Variants in ITGB3BP observed in about 807,000 individuals in gnomAD.
ITGB3BP encodes the protein integrin subunit beta 3 binding protein.
Under a neutral mutation model 29.1 loss-of-function variants are expected in ITGB3BP, and 27 were observed. The observed-to-expected ratio is 0.93, with a 90% CI of 0.68 to 1.28. ITGB3BP has a LOEUF of 1.28. Ranked by LOEUF, ITGB3BP falls within the 50% of genes most tolerant of loss-of-function variation. The probability of loss-of-function intolerance (pLI) is 0.00; values close to 1 mark genes in which losing one functional copy is unlikely to be tolerated. For synonymous variants in ITGB3BP, 61 were observed against 61.4 expected (o/e 0.99, Z 0.03); for missense variants, 192 against 200.2 (o/e 0.96, Z 0.25).
At chr1:63,468,576 A>C (rs561748876) in intron 4 of ITGB3BP, among the ~76,000 whole-genome samples, 2 of 150,926 alleles carry the variant, frequency 1.3e-5, no homozygotes, top group African/African-American at 4.9e-5. Flanking sequence ...AAATACAAAA[A>C]ATTGGCCAGG....
At chr1:63,518,540 G>T (rs6421474) in intron 1 of ITGB3BP, among the ~76,000 whole-genome samples, 145,533 of 151,672 alleles carry the variant, frequency 0.96, 70,131 homozygotes, top group Middle Eastern at 1. Flanking sequence ...TGATCATTTG[G>T]TTTCTCTCCT....
chr1:63,450,156 T>C (rs770396299), intron 7 of ITGB3BP, among the ~76,000 whole-genome samples: 1 of 151,954 alleles, frequency 6.6e-6, no homozygotes, highest in Non-Finnish European at 1.5e-5. Flanking sequence ...AGTTTATGCT[T>C]TTTAAAACAG....
At chr1:63,517,340 G>C (rs1646355385) in intron 1 of ITGB3BP, among the ~76,000 whole-genome samples, 1 of 150,920 alleles carries the variant, frequency 6.6e-6, no homozygotes, top group Admixed American at 6.6e-5. Flanking sequence ...TAACTAACCT[G>C]CACATTGTGC....
chr1:63,457,022 T>C (rs2100516707), intron 4 of ITGB3BP: 1 of 152,324 alleles, frequency 6.6e-6, no homozygotes, highest in South Asian at 2.1e-4. Context: ...AGGACACTTG[T>C]ATCCATTGCA....
At chr1:63,448,814 T>C (rs189945497) in intron 7 of ITGB3BP, among the ~76,000 whole-genome samples, 5 of 152,272 alleles carry the variant, frequency 3.3e-5, no homozygotes, top group Admixed American at 3.3e-4. Context: ...TACAAATCTC[T>C]TTACTTATGC....
chr1:63,473,857 G>T (rs1645268314), intron 4 of ITGB3BP, among the ~76,000 whole-genome samples: 1 of 50,768 alleles, frequency 2.0e-5, no homozygotes, highest in Non-Finnish European at 3.9e-5. Flanking sequence ...GCCTCTGCCC[G>T]GCCGCCCCTA....
intron 3 of ITGB3BP, among the ~76,000 whole-genome samples, chr1:63,488,891 C>A (rs754818494): frequency 1.3e-5 from 2 of 152,002 alleles, no homozygotes; most frequent in African/African-American, 2.4e-5. Flanking sequence ...TACTTAAATG[C>A]CAACTGAAAT....
chr1:63,515,253 G>A (rs894591226), intron 1 of ITGB3BP, among the ~76,000 whole-genome samples: 1 of 152,052 alleles, frequency 6.6e-6, no homozygotes, highest in Non-Finnish European at 1.5e-5. Context: ...GCACCACTTG[G>A]GAAGAAAATC....
intron 4 of ITGB3BP, among the ~76,000 whole-genome samples, chr1:63,459,890 C>T (rs563763193): frequency 4.6e-5 from 7 of 152,062 alleles, no homozygotes; most frequent in African/African-American, 1.7e-4. Context: ...GAACTACTAA[C>T]AGAGAAGGTC....
rs536554976 is a variant in ITGB3BP, at chr1:63,514,475, T to C, written c.6-5905A>G. ...AACTGCCAAAATGTCTAGCAACATG[T>C]TATGGTTCATTTGTGTATCTTCTTT... On this transcript the variant is annotated intron_variant, in intron 1 of 8. Transcript: ENST00000271002. 2.8e-3 allele frequency among the ~76,000 whole-genome samples: 420 copies of C among 152,306 alleles called. 5 individuals carry two copies. The highest frequency in any genetic ancestry group is 0.024 in the Middle Eastern group (7 of 294).
intron 2 of ITGB3BP, among the ~76,000 whole-genome samples, chr1:63,501,744 C>T (rs1397508199): frequency 6.6e-6 from 1 of 151,904 alleles, no homozygotes; most frequent in Non-Finnish European, 1.5e-5. Flanking sequence ...TGCCTGTAGT[C>T]CCAGCTACCC....
At chr1:63,512,350 T>C (rs975617010) in intron 1 of ITGB3BP, among the ~76,000 whole-genome samples, 3 of 152,090 alleles carry the variant, frequency 2.0e-5, no homozygotes, top group Non-Finnish European at 4.4e-5. Flanking sequence ...AGATGAGTTT[T>C]ATTACACAAT....
At chr1:63,453,731 C>T in intron 7 of ITGB3BP, 187 bp downstream of exon 7, 1 of 462,318 alleles carries the variant, frequency 2.2e-6, no homozygotes, top group South Asian at 3.8e-5. Flanking sequence ...CATCAGATAT[C>T]ATCTTCTGCT....
upstream of ITGB3BP, chr1:63,523,423 A>G (rs1347095432): frequency 2.0e-6 from 1 of 512,390 alleles, no homozygotes; most frequent in Non-Finnish European, 3.5e-6. Context: ...ATAGAGGAGC[A>G]ACACAGCTGT....
chr1:63,441,590 T>C (rs564375882), intron 8 of ITGB3BP, among the ~76,000 whole-genome samples: 2 of 152,302 alleles, frequency 1.3e-5, no homozygotes, highest in South Asian at 2.1e-4. Context: ...TACTCTGACA[T>C]AGCACTCAGT....
In ITGB3BP at chr1:63,462,031, T is replaced by C. The variant is rs1301474788; in HGVS notation, c.255-7063A>G. ...GTTTAATCATTCTGCAAAAGAAATA[T>C]AGGAATTACAGTGAATCTGTAGATT... On this transcript the variant is annotated intron_variant, in intron 4 of 8. Coordinates refer to ENST00000271002, the MANE Select transcript of ITGB3BP (RefSeq NM_014288.5). Among the ~76,000 whole-genome samples the C allele has an allele frequency of 2.0e-5, 3 of 152,244 alleles. No individual in the cohort carries two copies. In the East Asian group the frequency reaches 5.8e-4, roughly 29 times the overall value.
intron 3 of ITGB3BP, among the ~76,000 whole-genome samples, chr1:63,485,153 A>G (rs895199177): frequency 2.6e-5 from 4 of 152,134 alleles, no homozygotes; most frequent in African/African-American, 4.8e-5. Context: ...TGGCTAGAAC[A>G]TGTATGGAAC....
intron 7 of ITGB3BP, 72 bp downstream of exon 7, chr1:63,453,846 T>G: frequency 1.2e-6 from 1 of 843,862 alleles, no homozygotes; most frequent in Admixed American, 2.0e-5. Context: ...AAAGGATTCA[T>G]GATGATTAGT....
At chr1:63,523,408 C>T, upstream of ITGB3BP, 1 of 536,820 alleles carries the variant, frequency 1.9e-6, no homozygotes, top group Non-Finnish European at 3.4e-6. Context: ...CATACCACCC[C>T]CGCGATAGAG....
Sources: gnomAD v4.1 joint callset for allele counts (sites outside exome capture counted in the v4.1 genomes callset) on GRCh38, gnomAD v4.1.1 for gene constraint, MANE v1.5 for transcripts, NCBI Gene and HGNC (gene_info 2026-07-23, HGNC 2026-07-21) for gene names.